The following TIMM13 variants were observed in gnomAD, a reference collection of about 807,000 sequenced individuals.
TIMM13 encodes the protein translocase of inner mitochondrial membrane 13.
TIMM13 carries 8 observed loss-of-function variants against 10.9 expected under a neutral mutation model. The ratio of observed to expected loss-of-function variants is 0.73; its 90% CI spans 0.43 to 1.32. TIMM13 has a LOEUF of 1.32. TIMM13 is among the 40% of genes most tolerant of loss of function. The pLI is 0.01. For missense variants in TIMM13, 147 were observed against 132.8 expected (o/e 1.11, Z -0.53); for synonymous variants, 68 against 52.5 (o/e 1.30, Z -1.28).
rs776155763 is a variant in TIMM13, at chr19:2,427,038, G to GA, written c.197dup (p.Ala67ArgfsTer117). The GA allele has an allele frequency of 2.1e-5, 33 of 1,608,874 alleles. No individual in the cohort carries two copies. Among genetic ancestry groups the GA allele is most frequent in the Non-Finnish European group, 2.8e-5 (33 of 1,178,618 alleles). On this transcript the variant is annotated frameshift_variant, in exon 3 of 3. Transcript: ENST00000215570. LOFTEE classifies it high-confidence loss of function. ...CCATGTAGCGGTCCATGCACATGGC[G>GA]ATGCACTTCTGCGGGAGCGGAGGGG... is the stretch of plus-strand genomic sequence containing the variant.
chr19:2,427,191 G>GCAGA, intron 2 of TIMM13, 65 bp downstream of exon 2: 1 of 1,586,518 alleles, frequency 6.3e-7, no homozygotes, highest in Non-Finnish European at 8.6e-7. Context: ...CTGCGCACGC[G>GCAGA]CAGACACCTC....
rs373213668 is a variant in TIMM13, at chr19:2,426,114, A to G, written c.*834T>C. The G allele has an allele frequency of 7.0e-6, 11 of 1,582,470 alleles. No individual in the cohort carries two copies. The South Asian group carries it at 9.2e-5, about 13-fold the overall frequency. On this transcript the variant is annotated 3_prime_UTR_variant, in exon 3 of 3. Transcript: ENST00000215570. ...CCACCACGTGACTGCCCAGGCCGAG[A>G]CTCTACGTGAAAGCAACAGGAGCAG...
At position 2,426,716 on chromosome 19, in the gene TIMM13, A is replaced by C. The variant is rs1349620609; in HGVS notation, c.*232T>G. 6 of 595,834 alleles carry C rather than the reference A, an allele frequency of 1.0e-5. No individual in the cohort carries two copies. The highest frequency in any genetic ancestry group is 9.3e-5 in the African/African-American group (5 of 53,820). The allele number at this position is 595,834 out of a possible 1,614,324, so 36.9% of individuals were successfully genotyped here. A position where few individuals can be genotyped will look rare whatever the true frequency, so the allele number is the denominator to read the frequency against. On this transcript the variant is annotated 3_prime_UTR_variant, in exon 3 of 3. Transcript: ENST00000215570. ...GGGGAATACCCCAAAGGCCTGAAGG[A>C]GGTGCCACTGGGCTGCCAGCACTTC...
intron 2 of TIMM13, 48 bp from the exon 3 acceptor site, chr19:2,427,094 C>A: frequency 6.3e-7 from 1 of 1,594,156 alleles, no homozygotes; most frequent in Non-Finnish European, 8.5e-7. Flanking sequence ...TTCGCGGCCC[C>A]GGGGACCGCC....
chr19:2,425,906 C>T lies in TIMM13; in HGVS notation c.*1042G>A, dbSNP rs202049601. Reference sequence around the variant, plus strand: ...AGGGGAGGTACCGGCCTCTGAACCCCCTTTCTTCTCTCCCCAACAGGGTGA... The same window carrying T: ...AGGGGAGGTACCGGCCTCTGAACCCTCTTTCTTCTCTCCCCAACAGGGTGA... On this transcript the variant is annotated 3_prime_UTR_variant, in exon 3 of 3. Transcript: ENST00000215570. 4.4e-6 allele frequency: 7 copies of T among 1,573,576 alleles called. No individual in the cohort carries two copies. The highest frequency in any genetic ancestry group is 4.0e-5 in the Admixed American group (2 of 49,496).
chr19:2,426,117 C>CT lies in TIMM13; in HGVS notation c.*830dup. 6.3e-7 allele frequency: 1 copy of CT among 1,587,792 alleles called. No individual in the cohort carries two copies. The highest frequency in any genetic ancestry group is 8.5e-7 in the Non-Finnish European group (1 of 1,171,066). Reference sequence around the variant, plus strand: ...CCACGTGACTGCCCAGGCCGAGACTCTACGTGAAAGCAACAGGAGCAGCAG... The same window carrying CT: ...CCACGTGACTGCCCAGGCCGAGACTCTTACGTGAAAGCAACAGGAGCAGCAG... On this transcript the variant is annotated 3_prime_UTR_variant, in exon 3 of 3. Transcript: ENST00000215570.
chr19:2,426,201 G>T lies in TIMM13; in HGVS notation c.*747C>A. Reference sequence around the variant, plus strand: ...CAAGGACGGGTGTGGGGGGGCTGTGGGTCATGGGGATGCATTTTGGTACCA... The same window carrying T: ...CAAGGACGGGTGTGGGGGGGCTGTGTGTCATGGGGATGCATTTTGGTACCA... On this transcript the variant is annotated 3_prime_UTR_variant, in exon 3 of 3. Coordinates refer to ENST00000215570, the MANE Select transcript of TIMM13 (RefSeq NM_012458.4). 7.3e-7 allele frequency: 1 copy of T among 1,364,388 alleles called. No individual in the cohort carries two copies. The highest frequency in any genetic ancestry group is 9.9e-7 in the Non-Finnish European group (1 of 1,012,008). The allele number at this position is 1,364,388 out of a possible 1,614,324, so 84.5% of individuals were successfully genotyped here.
chr19:2,427,241 C>G lies in TIMM13; in HGVS notation c.189+15G>C. 6.2e-7 allele frequency: 1 copy of G among 1,612,378 alleles called. No individual in the cohort carries two copies. The highest frequency in any genetic ancestry group is 8.5e-7 in the Non-Finnish European group (1 of 1,179,500). On this transcript the variant is annotated intron_variant, in intron 2 of 2. Coordinates refer to ENST00000215570, the MANE Select transcript of TIMM13 (RefSeq NM_012458.4). Reference sequence around the variant, plus strand: ...GGCCCTCGCGACCCTTGCCCCGAACCTCCGCGGGTCTCACCTGCTCGGAGT... The same window carrying G: ...GGCCCTCGCGACCCTTGCCCCGAACGTCCGCGGGTCTCACCTGCTCGGAGT...
Position 2,426,529 on chromosome 19 carries a change from C to CAGAG in TIMM13, c.*415_*418dup, listed in dbSNP as rs143001539. 10,250 of 290,320 alleles carry CAGAG rather than the reference C, an allele frequency of 0.035. 241 individuals carry two copies. The highest frequency in any genetic ancestry group is 0.041 in the Non-Finnish European group (6,203 of 152,644). The allele number at this position is 290,320 out of a possible 1,614,324, so 18.0% of individuals were successfully genotyped here. ...TCCAGGGACACGCGTCACCTCTTCC[C>CAGAG]AGAGACCCCTCAGGAGGGAAATAAA... On this transcript the variant is annotated 3_prime_UTR_variant, in exon 3 of 3. Transcript: ENST00000215570.
Position 2,427,491 on chromosome 19 carries a change from C to T in TIMM13, c.43G>A (p.Gly15Arg), listed in dbSNP as rs1371168749. ...FGSDFGGSGS[G>R]KLDPGLIMEQ... ...ATTATGAGCCCTGGGTCCAGCTTCCCGCTGCCGGAGCCCCCGAAATCGGAG... is the reference window on the plus strand; with the variant it reads ...ATTATGAGCCCTGGGTCCAGCTTCCTGCTGCCGGAGCCCCCGAAATCGGAG... The change falls in exon 1 of 3, where the codon GGG becomes AGG. Residue 15 changes from glycine to arginine, a missense_variant. Gly to Arg is a moderately radical substitution (Grantham distance 125, BLOSUM62 -2). Coordinates refer to ENST00000215570, the MANE Select transcript of TIMM13 (RefSeq NM_012458.4). 1.9e-6 allele frequency: 3 copies of T among 1,611,602 alleles called. No homozygotes were observed. The highest frequency in any genetic ancestry group is 2.7e-5 in the African/African-American group (2 of 74,902).
In TIMM13 at chr19:2,426,830, G is replaced by C. The variant is rs6945; in HGVS notation, c.*118C>G. ...GGGGGTGGCGAGGACACAGTCCCGT[G>C]TGTCCCAGCACCGGTGCCACCCTCC... On this transcript the variant is annotated 3_prime_UTR_variant, in exon 3 of 3. Coordinates refer to ENST00000215570, the MANE Select transcript of TIMM13 (RefSeq NM_012458.4). The C allele has an allele frequency of 0.53, 529,643 of 996,060 alleles. 146,384 individuals carry two copies. Among genetic ancestry groups the C allele is most frequent in the African/African-American group, 0.81 (51,132 of 62,998 alleles). The allele number at this position is 996,060 out of a possible 1,614,324, so 61.7% of individuals were successfully genotyped here.
Position 2,426,326 on chromosome 19 carries a change from G to T in TIMM13, c.*622C>A. 2.7e-6 allele frequency: 1 copy of T among 372,128 alleles called. No individual in the cohort carries two copies. The highest frequency in any genetic ancestry group is 4.5e-6 in the Non-Finnish European group (1 of 220,118). 23.1% of individuals were successfully genotyped at this position (372,128 alleles called of 1,614,324 possible). A position where few individuals can be genotyped will look rare whatever the true frequency, so the allele number is the denominator to read the frequency against. Reference sequence around the variant, plus strand: ...CCTGCCTGGTGCTCCACCAGGACCCGGGGTGGAACGAAGCAGGGTCAAAGC... The same window carrying T: ...CCTGCCTGGTGCTCCACCAGGACCCTGGGTGGAACGAAGCAGGGTCAAAGC... On this transcript the variant is annotated 3_prime_UTR_variant, in exon 3 of 3. Coordinates refer to ENST00000215570, the MANE Select transcript of TIMM13 (RefSeq NM_012458.4).
At position 2,426,137 on chromosome 19, in the gene TIMM13, C is replaced by G. The variant is rs746908454; in HGVS notation, c.*811G>C. On this transcript the variant is annotated 3_prime_UTR_variant, in exon 3 of 3. Coordinates refer to ENST00000215570, the MANE Select transcript of TIMM13 (RefSeq NM_012458.4). Reference sequence around the variant, plus strand: ...AGACTCTACGTGAAAGCAACAGGAGCAGCAGGCCACCCAACACCCCACCCC... The same window carrying G: ...AGACTCTACGTGAAAGCAACAGGAGGAGCAGGCCACCCAACACCCCACCCC... 1.9e-6 allele frequency: 3 copies of G among 1,567,292 alleles called. No individual in the cohort carries two copies. The Admixed American group carries it at 5.8e-5, about 30-fold the overall frequency.
At position 2,427,022 on chromosome 19, in the gene TIMM13, G is replaced by A; in HGVS notation, c.214C>T (p.Arg72Cys). The change falls in exon 3 of 3, where the codon CGC (arginine) becomes TGC (cysteine). Residue 72 changes from arginine to cysteine, a missense_variant. Arg to Cys is a radical substitution (Grantham distance 180, BLOSUM62 -3). Coordinates refer to ENST00000215570, the MANE Select transcript of TIMM13 (RefSeq NM_012458.4). ...EQKCIAMCMD[R>C]YMDAWNTVSR... The stretch of plus-strand genomic sequence containing the variant: ...ACGGTGTTCCAGGCGTCCATGTAGC[G>A]GTCCATGCACATGGCGATGCACTTC... The A allele has an allele frequency of 6.2e-7, 1 of 1,609,240 alleles. No homozygotes were observed. The highest frequency in any genetic ancestry group is 8.5e-7 in the Non-Finnish European group (1 of 1,178,614).
chr19:2,427,091 C>A (rs900473544), intron 2 of TIMM13, 45 bp from the exon 3 acceptor site: 6 of 1,594,110 alleles, frequency 3.8e-6, no homozygotes, highest in Non-Finnish European at 5.1e-6. Context: ...GACTTCGCGG[C>A]CCCGGGGACC....
In TIMM13 at chr19:2,425,657, A is replaced by G. The variant is rs1971604626; in HGVS notation, c.*1291T>C. On this transcript the variant is annotated 3_prime_UTR_variant, in exon 3 of 3. Coordinates refer to ENST00000215570, the MANE Select transcript of TIMM13 (RefSeq NM_012458.4). ...GGCTCTGGAGGAATTTCCACTCCAC[A>G]GCCGTTTATTGGGCAACCCACCGCA... 2 of 1,340,150 alleles carry G rather than the reference A, an allele frequency of 1.5e-6. No homozygotes were observed. Among genetic ancestry groups the G allele is most frequent in the African/African-American group, 3.1e-5 (2 of 65,456 alleles). The allele number at this position is 1,340,150 out of a possible 1,614,324, so 83.0% of individuals were successfully genotyped here.
Position 2,427,553 on chromosome 19 carries a change from GA to G in TIMM13, c.-21del, listed in dbSNP as rs751703899. 4 of 1,583,502 alleles carry G rather than the reference GA, an allele frequency of 2.5e-6. No individual in the cohort carries two copies. In the Admixed American group the frequency reaches 5.5e-5, roughly 22 times the overall value. ...CTCCATGGCTCCGCAAAGTCAACCG[GA>G]CCGAGGCCGCGTGCGCCGACTCGTA... On this transcript the variant is annotated 5_prime_UTR_variant, in exon 1 of 3. Transcript: ENST00000215570.
At chr19:2,427,345 T>C (rs1971663686) in intron 1 of TIMM13, 21 bp from the exon 2 acceptor site, 2 of 1,612,846 alleles carry the variant, frequency 1.2e-6, no homozygotes, top group East Asian at 2.2e-5. Flanking sequence ...ACGCGAGGCT[T>C]TAGCCGCGAC....
Position 2,426,464 on chromosome 19 carries a change from C to G in TIMM13, c.*484G>C. Reference sequence around the variant, plus strand: ...TGGCACTAAGGGGAAAGATGGACTTCTCCCAACCCAGGGGAGGCTGAGACC... The same window carrying G: ...TGGCACTAAGGGGAAAGATGGACTTGTCCCAACCCAGGGGAGGCTGAGACC... On this transcript the variant is annotated 3_prime_UTR_variant, in exon 3 of 3. Transcript: ENST00000215570. 6.9e-6 allele frequency: 2 copies of G among 289,752 alleles called. No individual in the cohort carries two copies. The highest frequency in any genetic ancestry group is 8.3e-5 in the South Asian group (2 of 24,074). 17.9% of individuals were successfully genotyped at this position (289,752 alleles called of 1,614,324 possible).
Sources: allele counts gnomAD v4.1 joint callset, GRCh38; gene constraint gnomAD v4.1.1; transcripts MANE v1.5; gene names NCBI Gene and HGNC (gene_info 2026-07-23, HGNC 2026-07-21).